SHANK2: variants seen among roughly 807,000 people sequenced by gnomAD.
SHANK2 encodes the protein SH3 and multiple ankyrin repeat domains 2.
Under a neutral mutation model 133.7 loss-of-function variants are expected in SHANK2, and 43 were observed. That is an observed-to-expected ratio of 0.32 (90% CI 0.25 to 0.41). The LOEUF is 0.41. Ranked by LOEUF, SHANK2 falls within the 10% of genes least tolerant of loss-of-function variation. The probability of loss-of-function intolerance (pLI) is 1.00; values close to 1 mark genes in which losing one functional copy is unlikely to be tolerated. For synonymous variants in SHANK2, 1,017 were observed against 952.8 expected (o/e 1.07, Z -1.24); for missense variants, 1,994 against 2,235.8 (o/e 0.89, Z 2.18).
intron 1 of SHANK2, among the ~76,000 whole-genome samples, chr11:71,244,116 T>TAC (rs1428866334): frequency 1.3e-5 from 2 of 152,228 alleles, no homozygotes; most frequent in Non-Finnish European, 2.9e-5. Flanking sequence ...CTCTCCTGTC[T>TAC]ACACTTGCAA....
rs1555158176 is a variant in SHANK2 at position 70,500,551 on chromosome 11, G to C, written c.2308+19C>G. On this transcript the variant is annotated intron_variant, in intron 21 of 25. Transcript: ENST00000601538. The surrounding 1 kb of genome is among the most constrained non-coding windows in gnomAD (Gnocchi z 4.5). ...GGGTGATGGGCAGGGGGCTGAGACAGACACTGGGCCTCCCTTACCCTTCTT... is the reference window on the plus strand; with the variant it reads ...GGGTGATGGGCAGGGGGCTGAGACACACACTGGGCCTCCCTTACCCTTCTT... 1 of 1,600,008 alleles carries C rather than the reference G, an allele frequency of 6.2e-7. No individual in the cohort carries two copies. The highest frequency in any genetic ancestry group is 1.3e-5 in the African/African-American group (1 of 74,864).
intron 10 of SHANK2, among the ~76,000 whole-genome samples, chr11:70,898,457 A>G (rs1197921551): frequency 6.6e-6 from 1 of 152,170 alleles, no homozygotes; most frequent in Non-Finnish European, 1.5e-5. Flanking sequence ...CATGCTAGAA[A>G]TATGAATGTT....
chr11:70,583,909 T>C (rs997983750), intron 17 of SHANK2, among the ~76,000 whole-genome samples: 3 of 152,104 alleles, frequency 2.0e-5, no homozygotes, highest in Admixed American at 1.3e-4. Flanking sequence ...CAGCCATGCC[T>C]CCCCTCTCTC....
intron 11 of SHANK2, among the ~76,000 whole-genome samples, chr11:70,876,237 CATATAG>C (rs782243170): frequency 2.0e-5 from 3 of 147,422 alleles, no homozygotes; most frequent in Non-Finnish European, 4.4e-5. Flanking sequence ...CACACACACA[CATATAG>C]ACACACACAC....
At chr11:70,750,840 T>C (rs1946737648) in intron 14 of SHANK2, among the ~76,000 whole-genome samples, 1 of 152,214 alleles carries the variant, frequency 6.6e-6, no homozygotes, top group Non-Finnish European at 1.5e-5. Flanking sequence ...TCATTTGACG[T>C]TGGAAACCAT....
chr11:71,232,545 C>G lies in SHANK2; in HGVS notation c.-112-7749G>C, dbSNP rs1192690983. Among the ~76,000 whole-genome samples, 5 of 151,992 alleles carry G rather than the reference C, an allele frequency of 3.3e-5. No individual in the cohort carries two copies. In the South Asian group the frequency reaches 6.2e-4, roughly 19 times the overall value. On this transcript the variant is annotated intron_variant, in intron 1 of 25. Coordinates refer to ENST00000601538, the MANE Select transcript of SHANK2 (RefSeq NM_012309.5). ...CTTCTCCTCCTCCTCCTCTTTCCCCCCTCCTCTCCTCCTCCTCCTCCTCCT... is the reference window on the plus strand; with the variant it reads ...CTTCTCCTCCTCCTCCTCTTTCCCCGCTCCTCTCCTCCTCCTCCTCCTCCT...
intron 14 of SHANK2, among the ~76,000 whole-genome samples, chr11:70,775,142 A>C (rs1440472825): frequency 6.6e-6 from 1 of 152,074 alleles, no homozygotes; most frequent in Non-Finnish European, 1.5e-5. Flanking sequence ...CTGGGCGACA[A>C]AGGCAATCCT....
chr11:70,502,761 C>T, intron 18 of SHANK2, 35 bp downstream of exon 18: 2 of 431,650 alleles, frequency 4.6e-6, no homozygotes, highest in South Asian at 5.4e-5. Context: ...CCCAGTAGGG[C>T]CCCAGGCTGG....
Position 70,786,697 on chromosome 11 carries a change from G to A in SHANK2, c.1777+11746C>T, listed in dbSNP as rs544399713. ...AGAAATGAAATTTCAAGAACTAGAA[G>A]GGGAAAGCCAGGAACCTCCTCCAAA... On this transcript the variant is annotated intron_variant, in intron 14 of 25. Transcript: ENST00000601538. Among the ~76,000 whole-genome samples the A allele has an allele frequency of 1.3e-3, 193 of 152,202 alleles. 3 individuals carry two copies. Among genetic ancestry groups the A allele is most frequent in the African/African-American group, 4.4e-3 (183 of 41,510 alleles).
At chr11:71,072,056 AAG>A (rs2135970677) in intron 9 of SHANK2, among the ~76,000 whole-genome samples, 1 of 152,298 alleles carries the variant, frequency 6.6e-6, no homozygotes, top group Non-Finnish European at 1.5e-5. Flanking sequence ...AGATCAGAGA[AAG>A]AGAAAAAAGA....
rs375475695 is a variant in SHANK2 at position 71,097,012 on chromosome 11, A to C, written c.593-2324T>G. ...GGTGGCTGCATAAACGCACCGGTGG[A>C]GAAAATGATCCCACTCTGTTCATGG... On this transcript the variant is annotated intron_variant, in intron 6 of 25. Transcript: ENST00000601538. Among the ~76,000 whole-genome samples, 128 of 152,294 alleles carry C rather than the reference A, an allele frequency of 8.4e-4. 3 individuals are homozygous for C. In the South Asian group the frequency reaches 0.026, roughly 30 times the overall value.
At chr11:70,554,387 C>T (rs923402720) in intron 17 of SHANK2, among the ~76,000 whole-genome samples, 4 of 152,200 alleles carry the variant, frequency 2.6e-5, no homozygotes, top group South Asian at 2.1e-4. Flanking sequence ...TCTGTCCTCT[C>T]GGATAATGGG....
At chr11:71,205,442 GCT>G (rs1555117856) in intron 2 of SHANK2, among the ~76,000 whole-genome samples, 1 of 152,222 alleles carries the variant, frequency 6.6e-6, no homozygotes, top group Admixed American at 6.5e-5. Context: ...CCACCCTCCA[GCT>G]CCTGCCTGTG....
At chr11:70,677,747 C>A (rs1944930375) in intron 15 of SHANK2, among the ~76,000 whole-genome samples, 1 of 152,244 alleles carries the variant, frequency 6.6e-6, no homozygotes, top group African/African-American at 2.4e-5. Context: ...CAGGCTCCCC[C>A]TGAGCCCGAG....
At chr11:71,110,570 T>C (rs1951877722) in intron 5 of SHANK2, among the ~76,000 whole-genome samples, 1 of 152,198 alleles carries the variant, frequency 6.6e-6, no homozygotes, top group Non-Finnish European at 1.5e-5. Flanking sequence ...CACTCCAGCC[T>C]GGGCAACAGA....
chr11:70,764,979 G>A (rs984310003), intron 14 of SHANK2, among the ~76,000 whole-genome samples: 10 of 152,188 alleles, frequency 6.6e-5, no homozygotes, highest in Non-Finnish European at 1.3e-4. Context: ...AGGCCTGGAG[G>A]GAAGTAATCC....
At chr11:70,668,481 C>G (rs1165095950) in intron 15 of SHANK2, 1 of 152,348 alleles carries the variant, frequency 6.6e-6, no homozygotes, top group Admixed American at 6.5e-5. Flanking sequence ...CCGGAGGGAG[C>G]GTGGCCCTGC....
At chr11:71,090,253 A>C (rs1386048512) in intron 8 of SHANK2, among the ~76,000 whole-genome samples, 1 of 52,336 alleles carries the variant, frequency 1.9e-5, no homozygotes, top group South Asian at 1.0e-3. Context: ...TCTCCAGAGA[A>C]ACACAACCTC....
intron 10 of SHANK2, among the ~76,000 whole-genome samples, chr11:70,909,540 T>C (rs1449411416): frequency 1.3e-5 from 2 of 152,156 alleles, no homozygotes; most frequent in Admixed American, 6.5e-5. Flanking sequence ...CTTGAGGAAG[T>C]AGAGCTGTCG....
Sources: allele counts gnomAD v4.1 joint callset (sites outside exome capture counted in the v4.1 genomes callset), GRCh38; gene constraint gnomAD v4.1.1; non-coding constraint Gnocchi (gnomAD v3.1); transcripts MANE v1.5; gene names NCBI Gene and HGNC (gene_info 2026-07-23, HGNC 2026-07-21).